B3GALT5: variants seen among roughly 807,000 people sequenced by gnomAD.
The protein encoded by B3GALT5 is UDP-Gal:betaGlcNAc beta 1,3-galactosyltransferase, polypeptide 5.
For missense variants in B3GALT5, 328 were observed against 396.6 expected, an observed-to-expected ratio of 0.83 and a Z score of 1.47; for synonymous variants, 156 against 158.6, an observed-to-expected ratio of 0.98 and a Z score of 0.12.
intron 1 of B3GALT5, chr21:39,630,594 G>A (rs2079186792): frequency 6.6e-6 from 1 of 152,100 alleles, no homozygotes; most frequent in Admixed American, 6.5e-5. Flanking sequence ...ATACACAAGG[G>A]GATGGCTTGC....
At chr21:39,647,254 C>T (rs2079349512) in intron 2 of B3GALT5, among the ~76,000 whole-genome samples, 1 of 152,210 alleles carries the variant, frequency 6.6e-6, no homozygotes, top group Non-Finnish European at 1.5e-5. Context: ...GACGGCCAAA[C>T]TTGTTTGTCA....
intron 2 of B3GALT5, among the ~76,000 whole-genome samples, chr21:39,650,554 C>T (rs1230322238): frequency 6.6e-6 from 1 of 152,128 alleles, no homozygotes; most frequent in African/African-American, 2.4e-5. Context: ...ACCATTCCTC[C>T]CTGGGTGGGG....
intron 2 of B3GALT5, among the ~76,000 whole-genome samples, chr21:39,656,974 G>A (rs758449922): frequency 1.3e-5 from 2 of 152,232 alleles, no homozygotes; most frequent in African/African-American, 2.4e-5. Context: ...GGCCAGAAGG[G>A]GGGCAGTGAC....
At chr21:39,643,807 C>T (rs1379695154) in intron 1 of B3GALT5, among the ~76,000 whole-genome samples, 1 of 152,136 alleles carries the variant, frequency 6.6e-6, no homozygotes, top group Non-Finnish European at 1.5e-5. Flanking sequence ...TGCCTTCTCT[C>T]CCTACCTTCC....
At chr21:39,614,152 T>A (rs552172495) in intron 1 of B3GALT5, among the ~76,000 whole-genome samples, 2 of 152,304 alleles carry the variant, frequency 1.3e-5, no homozygotes, top group Non-Finnish European at 2.9e-5. Context: ...ATTCTGCCCA[T>A]CTTTACATGT....
chr21:39,637,040 G>T lies in B3GALT5; in HGVS notation c.-391-9352G>T, dbSNP rs2079233226. On this transcript the variant is annotated intron_variant, in intron 1 of 3. Coordinates refer to ENST00000684187, the MANE Select transcript of B3GALT5 (RefSeq NM_001356336.2). ...AGGGACCCTGCCCTTGAGAACAGGGGACCTGTGCTGTGCTCCTCTTGATCC... is the reference window on the plus strand; with the variant it reads ...AGGGACCCTGCCCTTGAGAACAGGGTACCTGTGCTGTGCTCCTCTTGATCC... 2.0e-5 allele frequency among the ~76,000 whole-genome samples: 3 copies of T among 152,156 alleles called. No individual in the cohort carries two copies. In the South Asian group the frequency reaches 6.2e-4, roughly 32 times the overall value.
At chr21:39,622,925 A>G (rs1011398453) in intron 1 of B3GALT5, among the ~76,000 whole-genome samples, 2 of 152,148 alleles carry the variant, frequency 1.3e-5, no homozygotes, top group African/African-American at 4.8e-5. Context: ...ATGTATTTTA[A>G]CGATATATAA....
chr21:39,652,320 G>A (rs4283498), intron 2 of B3GALT5, among the ~76,000 whole-genome samples: 45,302 of 151,978 alleles, frequency 0.3, 7,267 homozygotes, highest in Middle Eastern at 0.38. Flanking sequence ...ATGGGTGGTG[G>A]GCAGAACGCC....
intron 2 of B3GALT5, 76 bp from the exon 3 acceptor site, chr21:39,659,677 C>A: frequency 1.1e-6 from 1 of 870,778 alleles, no homozygotes; most frequent in Non-Finnish European, 1.4e-6. Flanking sequence ...GGTGACGCTA[C>A]AGACACGGTA....
intron 2 of B3GALT5, among the ~76,000 whole-genome samples, chr21:39,656,349 C>A (rs902737361): frequency 6.6e-6 from 1 of 152,208 alleles, no homozygotes; most frequent in Non-Finnish European, 1.5e-5. Flanking sequence ...GCACTCAGGA[C>A]TGCCAACACC....
chr21:39,639,335 T>TTCC (rs2079258390), intron 1 of B3GALT5, among the ~76,000 whole-genome samples: 5 of 118,306 alleles, frequency 4.2e-5, no homozygotes, highest in African/African-American at 6.5e-5. Flanking sequence ...TCTTTCTTTC[T>TTCC]TTCTTTCTTT....
chr21:39,646,571 A>G lies in B3GALT5; in HGVS notation c.-212A>G, dbSNP rs999117246. ...CACATCCTGTCCAGAATGATGAAAG[A>G]TACAGAAAATGGTGCCTGCTGACCT... is the stretch of plus-strand genomic sequence containing the variant. On this transcript the variant is annotated 5_prime_UTR_variant, in exon 2 of 4. Transcript: ENST00000684187. 1 of 152,244 alleles carries G rather than the reference A, an allele frequency of 6.6e-6. No homozygotes were observed. Among genetic ancestry groups the G allele is most frequent in the African/African-American group, 2.4e-5 (1 of 41,472 alleles). 9.4% of individuals were successfully genotyped at this position (152,244 alleles called of 1,614,324 possible).
chr21:39,623,959 T>C (rs2079150864), intron 1 of B3GALT5, among the ~76,000 whole-genome samples: 1 of 152,232 alleles, frequency 6.6e-6, no homozygotes, highest in Non-Finnish European at 1.5e-5. Context: ...CTACATCTCC[T>C]TTGTCTGTCC....
chr21:39,661,250 A>C lies in B3GALT5; in HGVS notation c.691A>C (p.Asn231His). The C allele has an allele frequency of 6.2e-7, 1 of 1,614,140 alleles. No homozygotes were observed. The highest frequency in any genetic ancestry group is 8.5e-7 in the Non-Finnish European group (1 of 1,180,032). Residue 231 changes from asparagine to histidine, a missense_variant, in exon 4 of 4, where the codon AAT becomes CAT. Transcript: ENST00000684187. This position sits in a 1 kb window ranked among gnomAD's most constrained non-coding sequence, Gnocchi z 4.7. ...TGGCGACGTGGCGAGTCAGGTGTAC[A>C]ATGTCTCCAAGAGCGTCCCATACAT... Reference protein sequence around the residue: ...FSGDVASQVYNVSKSVPYIKL... With the variant: ...FSGDVASQVYHVSKSVPYIKL...
At chr21:39,656,596 CTCCTT>C (rs1424779291) in intron 2 of B3GALT5, among the ~76,000 whole-genome samples, 3 of 152,190 alleles carry the variant, frequency 2.0e-5, no homozygotes, top group Non-Finnish European at 4.4e-5. Flanking sequence ...CTCCAGATCT[CTCCTT>C]TCAGGTCCAG....
At position 39,661,662 on chromosome 21, in the gene B3GALT5, G is replaced by C. The variant is rs2079526825; in HGVS notation, c.*170G>C. Reference sequence around the variant, plus strand: ...GATTAGTTCCCACTTGGTGCCCCAGGCAATAATAGGCCCGTCTCTTGGGCA... The same window carrying C: ...GATTAGTTCCCACTTGGTGCCCCAGCCAATAATAGGCCCGTCTCTTGGGCA... On this transcript the variant is annotated 3_prime_UTR_variant, in exon 4 of 4. Transcript: ENST00000684187. The surrounding 1 kb of genome is among the most constrained non-coding windows in gnomAD (Gnocchi z 4.7). The C allele has an allele frequency of 1.7e-6, 1 of 588,784 alleles. No individual in the cohort carries two copies. The highest frequency in any genetic ancestry group is 2.8e-6 in the Non-Finnish European group (1 of 359,676). 36.5% of individuals were successfully genotyped at this position (588,784 alleles called of 1,614,324 possible).
At chr21:39,650,801 A>T (rs1203437498) in intron 2 of B3GALT5, among the ~76,000 whole-genome samples, 1 of 152,110 alleles carries the variant, frequency 6.6e-6, no homozygotes, top group Non-Finnish European at 1.5e-5. Flanking sequence ...GAAAAAAATT[A>T]AAAAATTGTC....
At position 39,661,368 on chromosome 21, in the gene B3GALT5, G is replaced by C. The variant is rs1204777090; in HGVS notation, c.809G>C (p.Gly270Ala). Reference protein sequence around the residue: ...LHSQPTFFPGGLRFSVCLFRR... With the variant: ...LHSQPTFFPGALRFSVCLFRR... Reference sequence around the variant, plus strand: ...TCCCAGCCGACCTTTTTTCCAGGGGGCTTACGCTTCTCCGTATGCCTCTTC... The same window carrying C: ...TCCCAGCCGACCTTTTTTCCAGGGGCCTTACGCTTCTCCGTATGCCTCTTC... Residue 270 changes from glycine (G) to alanine (A), a missense_variant, in exon 4 of 4, where the codon GGC becomes GCC. Physicochemically the swap from Gly to Ala is moderately conservative, Grantham distance 60 (BLOSUM62 0). Coordinates refer to ENST00000684187, the MANE Select transcript of B3GALT5 (RefSeq NM_001356336.2). This position sits in a 1 kb window ranked among gnomAD's most constrained non-coding sequence, Gnocchi z 4.7. 2 of 1,606,872 alleles carry C rather than the reference G, an allele frequency of 1.2e-6. No individual in the cohort carries two copies. Among genetic ancestry groups the C allele is most frequent in the Non-Finnish European group, 1.7e-6 (2 of 1,176,718 alleles).
rs137897771 is a variant in B3GALT5 at position 39,642,078 on chromosome 21, G to A, written c.-391-4314G>A. ...TGTAGTACCTTGCTCCGTAACTGTT[G>A]CTTTCCGTAGGAAAATCTTCCCTAT... is the stretch of plus-strand genomic sequence containing the variant. On this transcript the variant is annotated intron_variant, in intron 1 of 3. Transcript: ENST00000684187. Among the ~76,000 whole-genome samples, 623 of 152,316 alleles carry A rather than the reference G, an allele frequency of 4.1e-3. 5 individuals are homozygous for A. Among genetic ancestry groups the A allele is most frequent in the East Asian group, 0.023 (118 of 5,188 alleles).
Sources: allele counts gnomAD v4.1 joint callset (sites outside exome capture counted in the v4.1 genomes callset), GRCh38; gene constraint gnomAD v4.1.1; non-coding constraint Gnocchi (gnomAD v3.1); transcripts MANE v1.5; gene names NCBI Gene and HGNC (gene_info 2026-07-23, HGNC 2026-07-21).